The following NCKIPSD variants were observed in gnomAD, a reference collection of about 807,000 sequenced individuals.
NCKIPSD encodes NCK interacting protein with SH3 domain, also known as NCK-interacting protein with SH3 domain.
In NCKIPSD, 48 loss-of-function variants were observed where a neutral mutation model predicts 73.4. The observed-to-expected ratio is 0.65, with a 90% CI of 0.52 to 0.83. NCKIPSD has a LOEUF of 0.83. Among genes scored for constraint, NCKIPSD ranks in the 40% least tolerant of loss-of-function variants. The pLI is 0.00. For missense variants in NCKIPSD, 884 were observed against 970.2 expected (o/e 0.91, Z 1.18); for synonymous variants, 422 against 403.6 (o/e 1.05, Z -0.54).
At chr3:48,685,409 T>A (rs931516149) in intron 1 of NCKIPSD, among the ~76,000 whole-genome samples, 7 of 152,004 alleles carry the variant, frequency 4.6e-5, no homozygotes, top group Non-Finnish European at 7.4e-5. Flanking sequence ...TTTTGGTCGA[T>A]CGGGAGTTGG....
intron 5 of NCKIPSD, among the ~76,000 whole-genome samples, chr3:48,680,713 G>C (rs1352506429): frequency 6.6e-6 from 1 of 152,192 alleles, no homozygotes; most frequent in East Asian, 1.9e-4. Context: ...CCTTTGGTCT[G>C]TCTGACCCCC....
In NCKIPSD at chr3:48,682,563, G is replaced by C; in HGVS notation, c.282-11C>G. On this transcript the variant is annotated splice_polypyrimidine_tract_variant and intron_variant, in intron 2 of 12. Coordinates refer to ENST00000294129, the MANE Select transcript of NCKIPSD (RefSeq NM_016453.4). The stretch of plus-strand genomic sequence containing the variant: ...TGGTGGATCAGCTTCCTGATGGAAG[G>C]ACAGGAAGACTATTGGGGGGTTGCA... The C allele has an allele frequency of 6.2e-7, 1 of 1,613,236 alleles. No individual in the cohort carries two copies. Among genetic ancestry groups the C allele is most frequent in the South Asian group, 1.1e-5 (1 of 91,030 alleles).
Position 48,682,160 on chromosome 3 carries a change from G to C in NCKIPSD, c.487-4C>G. 6.3e-7 allele frequency: 1 copy of C among 1,595,746 alleles called. No individual in the cohort carries two copies. Among genetic ancestry groups the C allele is most frequent in the South Asian group, 1.1e-5 (1 of 90,430 alleles). ...TCTGGGAAGATGGAAGTGGGATCTG[G>C]AAGATGGAAGTAGGATCTTGGAGGA... On this transcript the variant is annotated splice_polypyrimidine_tract_variant and splice_region_variant and intron_variant, in intron 3 of 12. Transcript: ENST00000294129.
chr3:48,680,828 C>A (rs1425756087), intron 5 of NCKIPSD, among the ~76,000 whole-genome samples: 1 of 152,184 alleles, frequency 6.6e-6, no homozygotes, highest in Admixed American at 6.5e-5. Flanking sequence ...CATGTCAGCA[C>A]CTAGGACTCC....
rs756250941 is a variant in NCKIPSD at position 48,680,207 on chromosome 3, G to A, written c.1115C>T (p.Ser372Leu). ...CTGCTGGTCGTGGCAGACCTGCCCTGAGGGCAGGGCCATGCTGAGGTCCTA... is the reference window on the plus strand; with the variant it reads ...CTGCTGGTCGTGGCAGACCTGCCCTAAGGGCAGGGCCATGCTGAGGTCCTA... ...EGKDLSMALPSGQVCHDQQRL... is the reference protein window; with the variant it reads ...EGKDLSMALPLGQVCHDQQRL... Residue 372 changes from serine (S) to leucine (L), a missense_variant, in exon 6 of 13, where the codon TCA becomes TTA. By Grantham distance (145) the Ser-to-Leu change is moderately radical (BLOSUM62 -2). Coordinates refer to ENST00000294129, the MANE Select transcript of NCKIPSD (RefSeq NM_016453.4). 2.5e-6 allele frequency: 4 copies of A among 1,612,936 alleles called. No homozygotes were observed. The Admixed American group carries it at 5.0e-5, about 20-fold the overall frequency.
chr3:48,680,824 A>G lies in NCKIPSD; in HGVS notation c.1092+463T>C, dbSNP rs77469467. 1.6e-4 allele frequency among the ~76,000 whole-genome samples: 25 copies of G among 152,206 alleles called. No homozygotes were observed. In the East Asian group the frequency reaches 4.6e-3, roughly 28 times the overall value. On this transcript the variant is annotated intron_variant, in intron 5 of 12. Coordinates refer to ENST00000294129, the MANE Select transcript of NCKIPSD (RefSeq NM_016453.4). ...CACCTCACTCCCTCTCATCCATGTCAGCACCTAGGACTCCATCCCAGCTCT... is the reference window on the plus strand; with the variant it reads ...CACCTCACTCCCTCTCATCCATGTCGGCACCTAGGACTCCATCCCAGCTCT...
chr3:48,678,804 A>G (rs1313835439), intron 11 of NCKIPSD, 68 bp from the exon 12 acceptor site: 1 of 1,612,658 alleles, frequency 6.2e-7, no homozygotes, highest in Admixed American at 1.7e-5. Flanking sequence ...CCAGGGGGTT[A>G]CGGGAGTCAT....
rs1200490487 is a variant in NCKIPSD at position 48,681,392 on chromosome 3, T to C, written c.987A>G (p.Glu329=). Residue 329 remains glutamate, a synonymous_variant, in exon 5 of 13, where the codon GAA becomes GAG. Transcript: ENST00000294129. ...TGATGCCGATGGCCACCCGGCATAA[T>C]TCGTGGCTCAGGCCAGTGTTTCTCC... is the stretch of plus-strand genomic sequence containing the variant. ...LVRRNTGLSH[E]LCRVAIGIIV... 6.2e-7 allele frequency: 1 copy of C among 1,612,534 alleles called. No homozygotes were observed. Among genetic ancestry groups the C allele is most frequent in the Non-Finnish European group, 8.5e-7 (1 of 1,179,156 alleles).
In NCKIPSD at chr3:48,675,572, C is replaced by T. The variant is rs943795360; in HGVS notation, c.1966-825G>A. 5.6e-5 allele frequency among the ~76,000 whole-genome samples: 8 copies of T among 144,132 alleles called. No homozygotes were observed. In the Admixed American group the frequency reaches 5.6e-4, roughly 10 times the overall value. The allele number at this position is 144,132 out of a possible 152,430, so 94.6% of individuals were successfully genotyped here. A position where few individuals can be genotyped will look rare whatever the true frequency, so the allele number is the denominator to read the frequency against. ...CATTTTTTTTTTTGAGACAGGGTCT[C>T]GTGCTGTCACCCAGGCTGGAGTGCA... On this transcript the variant is annotated intron_variant, in intron 12 of 12. Transcript: ENST00000294129.
chr3:48,683,645 G>A (rs1432797370), intron 1 of NCKIPSD, among the ~76,000 whole-genome samples: 2 of 152,154 alleles, frequency 1.3e-5, no homozygotes, highest in Admixed American at 1.3e-4. Context: ...TGTGGCAAAG[G>A]ATAAACATGA....
intron 12 of NCKIPSD, among the ~76,000 whole-genome samples, chr3:48,677,640 G>A (rs1009333278): frequency 5.9e-5 from 9 of 152,114 alleles, no homozygotes; most frequent in Non-Finnish European, 1.0e-4. Flanking sequence ...ACCTCTGTGT[G>A]GTGAATCCAA....
At chr3:48,683,719 CT>C (rs1289669007) in intron 1 of NCKIPSD, among the ~76,000 whole-genome samples, 1 of 152,160 alleles carries the variant, frequency 6.6e-6, no homozygotes, top group Non-Finnish European at 1.5e-5. Context: ...GGGATCCAGT[CT>C]ACTCTGCCTA....
In NCKIPSD at chr3:48,682,418, C is replaced by G; in HGVS notation, c.416G>C (p.Arg139Pro). The change falls in exon 3 of 13, where the codon CGA becomes CCA. Residue 139 changes from arginine to proline, a missense_variant. Arg to Pro is a moderately radical substitution (Grantham distance 103, BLOSUM62 -2). Coordinates refer to ENST00000294129, the MANE Select transcript of NCKIPSD (RefSeq NM_016453.4). ...GCTGTGCTGCCGCTCGAACCCAGCT[C>G]GACACACCCCATTGGGCTGCCTGGC... ...AAARQPNGVC[R>P]AGFERQHSLP... The G allele has an allele frequency of 6.2e-7, 1 of 1,614,164 alleles. No individual in the cohort carries two copies. The highest frequency in any genetic ancestry group is 1.3e-5 in the African/African-American group (1 of 75,052).
chr3:48,680,083 G>A lies in NCKIPSD; in HGVS notation c.1239C>T (p.Tyr413=), dbSNP rs1356960859. 1.2e-6 allele frequency: 2 copies of A among 1,613,508 alleles called. No homozygotes were observed. The highest frequency in any genetic ancestry group is 3.3e-5 in the Admixed American group (2 of 59,978). The change falls in exon 6 of 13, where the codon TAC becomes TAT. Residue 413 remains tyrosine, a synonymous_variant. Coordinates refer to ENST00000294129, the MANE Select transcript of NCKIPSD (RefSeq NM_016453.4). ...CCAGAATATGCAGCAGCTCCTCTAG[G>A]TAGCAGCGGATGACACCCTCATCCT... The part of the protein sequence containing the change: ...LYEDEGVIRC[Y]LEELLHILTD...
chr3:48,682,427 C>T lies in NCKIPSD; in HGVS notation c.407G>A (p.Gly136Glu). 6.2e-7 allele frequency: 1 copy of T among 1,614,168 alleles called. No individual in the cohort carries two copies. Among genetic ancestry groups the T allele is most frequent in the African/African-American group, 1.3e-5 (1 of 75,048 alleles). ...LDAAAARQPN[G>E]VCRAGFERQH... Reference sequence around the variant, plus strand: ...CCGCTCGAACCCAGCTCGACACACCCCATTGGGCTGCCTGGCTGCAGCAGC... The same window carrying T: ...CCGCTCGAACCCAGCTCGACACACCTCATTGGGCTGCCTGGCTGCAGCAGC... Residue 136 changes from glycine (G) to glutamate (E), a missense_variant, in exon 3 of 13, where the codon GGG (glycine) becomes GAG (glutamate). Transcript: ENST00000294129.
In NCKIPSD at chr3:48,682,031, C is replaced by T. The variant is rs2077361846; in HGVS notation, c.598+14G>A. On this transcript the variant is annotated intron_variant, in intron 4 of 12. Coordinates refer to ENST00000294129, the MANE Select transcript of NCKIPSD (RefSeq NM_016453.4). The stretch of plus-strand genomic sequence containing the variant: ...GGTGCCTCCACCTGAATTCCCCTAA[C>T]CCTGCCTTCTTACCACTCCCAGAGG... 1 of 1,598,444 alleles carries T rather than the reference C, an allele frequency of 6.3e-7. No homozygotes were observed. Among genetic ancestry groups the T allele is most frequent in the Non-Finnish European group, 8.5e-7 (1 of 1,178,860 alleles).
chr3:48,685,551 G>T (rs2077423958), intron 1 of NCKIPSD, 86 bp downstream of exon 1: 3 of 1,421,466 alleles, frequency 2.1e-6, no homozygotes, highest in Non-Finnish European at 2.8e-6. Context: ...TCCCGGAGAG[G>T]GTGGGGTCCC....
intron 12 of NCKIPSD, among the ~76,000 whole-genome samples, chr3:48,677,342 C>T (rs1357922987): frequency 2.0e-5 from 3 of 151,810 alleles, no homozygotes; most frequent in African/African-American, 4.8e-5. Context: ...GAGCCACGAT[C>T]GTGCCACTAC....
In NCKIPSD at chr3:48,679,452, G is replaced by A; in HGVS notation, c.1495C>T (p.Gln499Ter). The A allele has an allele frequency of 6.8e-6, 11 of 1,612,126 alleles. No homozygotes were observed. The highest frequency in any genetic ancestry group is 9.3e-6 in the Non-Finnish European group (11 of 1,178,742). Residue 499 changes from glutamine to a stop codon, truncating the protein, a stop_gained, in exon 9 of 13, where the codon CAG becomes TAG. Transcript: ENST00000294129. LOFTEE classifies it high-confidence loss of function. ...RDMQTDTQDH[Q>*]KLCYSALILA... ...ATGAGGGCAGAGTAACAGAGTTTCT[G>A]GTGGTCTGGGGGGGACAAGGCAGGC...
Sources: gnomAD v4.1 joint callset for allele counts (sites outside exome capture counted in the v4.1 genomes callset) on GRCh38, gnomAD v4.1.1 for gene constraint, MANE v1.5 for transcripts, NCBI Gene and HGNC (gene_info 2026-07-23, HGNC 2026-07-21) for gene names.